NCOA3: variants seen among roughly 807,000 people sequenced by gnomAD.
NCOA3 encodes nuclear receptor coactivator 3.
In NCOA3, 51 loss-of-function variants were observed where a neutral mutation model predicts 158.8. The observed-to-expected ratio is 0.32, with a 90% CI of 0.26 to 0.41. The LOEUF (loss-of-function observed/expected upper bound fraction) is 0.41. Among genes scored for constraint, NCOA3 ranks in the 10% least tolerant of loss-of-function variants. NCOA3 has a pLI of 1.00. For synonymous variants in NCOA3, 537 were observed against 592.4 expected (o/e 0.91, Z 1.36); for missense variants, 1,510 against 1,746.6 (o/e 0.86, Z 2.41).
intron 2 of NCOA3, among the ~76,000 whole-genome samples, chr20:47,621,257 T>G (rs2086235795): frequency 6.7e-6 from 1 of 149,034 alleles, no homozygotes; most frequent in Non-Finnish European, 1.5e-5. Context: ...TTTGTTTTTT[T>G]GCTTTTGATT....
intron 17 of NCOA3, among the ~76,000 whole-genome samples, chr20:47,643,848 G>A (rs984295112): frequency 4.0e-5 from 6 of 150,508 alleles, no homozygotes; most frequent in African/African-American, 1.5e-4. Flanking sequence ...TAGTTTTCTG[G>A]CATCTAGTGT....
At position 47,636,618 on chromosome 20, in the gene NCOA3, G is replaced by A. The variant is rs1232710760; in HGVS notation, c.2232G>A (p.Arg744=). 3 of 1,614,060 alleles carry A rather than the reference G, an allele frequency of 1.9e-6. No individual in the cohort carries two copies. The highest frequency in any genetic ancestry group is 1.7e-5 in the Admixed American group (1 of 59,998). The change falls in exon 12 of 23, where the codon AGG becomes AGA. Residue 744 remains arginine, a synonymous_variant. Coordinates refer to ENST00000371998, the MANE Select transcript of NCOA3 (RefSeq NM_181659.3). ...CACTTCTTAGATACCTGCTGGACAG[G>A]GATGATCCTAGTGATGCACTCTCTA... is the stretch of plus-strand genomic sequence containing the variant. ...NNALLRYLLD[R]DDPSDALSKE... is the part of the protein sequence containing the mutation.
At chr20:47,572,409 A>T (rs555415677) in intron 1 of NCOA3, among the ~76,000 whole-genome samples, 1 of 152,222 alleles carries the variant, frequency 6.6e-6, no homozygotes, top group East Asian at 1.9e-4. Context: ...AGTATCTAGT[A>T]AAAGAAAAAA....
At chr20:47,545,158 T>C (rs2084807449) in intron 1 of NCOA3, among the ~76,000 whole-genome samples, 1 of 148,788 alleles carries the variant, frequency 6.7e-6, no homozygotes, top group Admixed American at 6.9e-5. Context: ...TTTGTAATTG[T>C]TTAGATATCC....
In NCOA3 at chr20:47,636,305, C is replaced by A. The variant is rs778829476; in HGVS notation, c.1919C>A (p.Ser640Tyr). 3 of 1,614,136 alleles carry A rather than the reference C, an allele frequency of 1.9e-6. No homozygotes were observed. Among genetic ancestry groups the A allele is most frequent in the Non-Finnish European group, 2.5e-6 (3 of 1,180,024 alleles). ...CGGGGTCATTCCTCCTTGACCAACT[C>A]CCCCCTAGATTCAAGTTGTAAAGAA... The part of the protein sequence containing the change: ...DDRGHSSLTN[S>Y]PLDSSCKESS... Residue 640 changes from serine to tyrosine, a missense_variant, in exon 12 of 23, where the codon TCC becomes TAC. Physicochemically the swap from Ser to Tyr is moderately radical, Grantham distance 144 (BLOSUM62 -2). This residue lies in a region of NCOA3 where 1,017 missense variants were observed against 1,098.3 expected (regional missense o/e 0.93). Coordinates refer to ENST00000371998, the MANE Select transcript of NCOA3 (RefSeq NM_181659.3).
chr20:47,593,396 GC>G (rs2085685518), intron 2 of NCOA3, among the ~76,000 whole-genome samples: 1 of 129,982 alleles, frequency 7.7e-6, no homozygotes. Flanking sequence ...AGGCTGGAGT[GC>G]AGTGGTGCGT....
At chr20:47,617,591 C>T (rs1360907752) in intron 2 of NCOA3, among the ~76,000 whole-genome samples, 1 of 152,122 alleles carries the variant, frequency 6.6e-6, no homozygotes, top group Non-Finnish European at 1.5e-5. Context: ...AGATAACAGG[C>T]GTGGCAACTA....
intron 8 of NCOA3, among the ~76,000 whole-genome samples, chr20:47,632,197 C>T (rs1485492092): frequency 6.6e-6 from 1 of 152,052 alleles, no homozygotes; most frequent in East Asian, 1.9e-4. Context: ...ATGCTTTACT[C>T]AGGTTTACTG....
At chr20:47,553,856 CAT>C (rs1362553420) in intron 1 of NCOA3, among the ~76,000 whole-genome samples, 1 of 152,120 alleles carries the variant, frequency 6.6e-6, no homozygotes, top group Non-Finnish European at 1.5e-5. Flanking sequence ...CCGCAATAAA[CAT>C]ATGTGTGCAT....
At chr20:47,623,888 C>G (rs763360134) in intron 3 of NCOA3, 23 bp from the exon 4 acceptor site, 29 of 1,596,414 alleles carry the variant, frequency 1.8e-5, no homozygotes, top group South Asian at 4.5e-5. Context: ...TCCTTTCCCC[C>G]CTTTCTACGC....
intron 1 of NCOA3, among the ~76,000 whole-genome samples, chr20:47,548,918 T>G (rs2084882543): frequency 1.3e-5 from 2 of 152,236 alleles, no homozygotes; most frequent in African/African-American, 4.8e-5. Context: ...AAAATACCAT[T>G]TAATGAATTT....
At chr20:47,652,215 C>T (rs1376062895) in intron 20 of NCOA3, among the ~76,000 whole-genome samples, 191 bp from the exon 21 acceptor site, 1 of 152,062 alleles carries the variant, frequency 6.6e-6, no homozygotes, top group Non-Finnish European at 1.5e-5. Flanking sequence ...AAGCCTGTTA[C>T]TCTAGTCGTC....
intron 9 of NCOA3, 72 bp from the exon 10 acceptor site, chr20:47,633,976 C>T: frequency 6.5e-7 from 1 of 1,538,814 alleles, no homozygotes; most frequent in Non-Finnish European, 8.9e-7. Flanking sequence ...AGTATATTTC[C>T]TCCCTGTCCC....
intron 2 of NCOA3, among the ~76,000 whole-genome samples, chr20:47,586,278 ATATAG>A (rs1281503878): frequency 6.6e-6 from 1 of 152,150 alleles, no homozygotes; most frequent in African/African-American, 2.4e-5. Context: ...AGTTACAAAA[ATATAG>A]TATAAAGAAC....
chr20:47,510,275 A>G (rs1008487206), intron 1 of NCOA3, among the ~76,000 whole-genome samples: 2 of 151,712 alleles, frequency 1.3e-5, no homozygotes, highest in African/African-American at 4.8e-5. Flanking sequence ...TACTAAAAAT[A>G]TAAAAAAATT....
chr20:47,564,785 G>A (rs763493206), intron 1 of NCOA3, among the ~76,000 whole-genome samples: 2 of 152,144 alleles, frequency 1.3e-5, no homozygotes, highest in African/African-American at 4.8e-5. Context: ...ACGTTTTCAT[G>A]TGTTTGCTGG....
intron 2 of NCOA3, among the ~76,000 whole-genome samples, chr20:47,589,976 T>A (rs1045509359): frequency 1.3e-5 from 2 of 151,052 alleles, no homozygotes; most frequent in Admixed American, 6.6e-5. Context: ...TTATTTAAAA[T>A]GTTTTGTGGA....
chr20:47,504,721 T>G (rs911837460), intron 1 of NCOA3, among the ~76,000 whole-genome samples: 1 of 151,498 alleles, frequency 6.6e-6, no homozygotes, highest in Non-Finnish European at 1.5e-5. Flanking sequence ...GAAGAATGGC[T>G]TGAACCCGGG....
chr20:47,625,984 C>T (rs1015568292), intron 5 of NCOA3, among the ~76,000 whole-genome samples: 1 of 152,192 alleles, frequency 6.6e-6, no homozygotes, highest in Non-Finnish European at 1.5e-5. Context: ...TAGGCAAATA[C>T]ACCATTTTAT....
Sources: allele counts gnomAD v4.1 joint callset (sites outside exome capture counted in the v4.1 genomes callset), GRCh38; gene constraint gnomAD v4.1.1; regional missense constraint gnomAD v4.1.1; transcripts MANE v1.5; gene names NCBI Gene and HGNC (gene_info 2026-07-23, HGNC 2026-07-21).